The following ACOT11 variants were observed in gnomAD, a reference collection of about 807,000 sequenced individuals.
The protein encoded by ACOT11 is acyl-CoA thioesterase 11.
A neutral mutation model predicts 77.5 loss-of-function variants in ACOT11; 69 were observed. The observed-to-expected ratio is 0.89, with a 90% confidence interval of 0.73 to 1.09. The LOEUF (loss-of-function observed/expected upper bound fraction) is 1.09. ACOT11 is among the 50% of genes least tolerant of loss of function. The pLI is 0.00. For synonymous variants in ACOT11, 279 were observed against 313.0 expected (o/e 0.89, Z 1.15); for missense variants, 766 against 813.7 (o/e 0.94, Z 0.71).
intron 15 of ACOT11, chr1:54,623,643 A>C (rs2060387): frequency 0.32 from 138,558 of 438,914 alleles, 23,390 homozygotes; most frequent in Middle Eastern, 0.45. Context: ...TATCTACCAT[A>C]TCTAAAATGA....
downstream of ACOT11, chr1:54,611,600 C>T: frequency 1.2e-6 from 2 of 1,613,672 alleles, no homozygotes; most frequent in South Asian, 1.1e-5. Context: ...CAATTCCTCT[C>T]CTTACAGGCC....
intron 15 of ACOT11, among the ~76,000 whole-genome samples, chr1:54,620,531 C>T (rs1330172067): frequency 1.3e-5 from 2 of 151,302 alleles, no homozygotes; most frequent in Non-Finnish European, 2.9e-5. Context: ...CATGGTGAAA[C>T]CATGTCTCTA....
intron 3 of ACOT11, 113 bp downstream of exon 3, chr1:54,586,017 C>CT (rs1654486047): frequency 9.0e-7 from 1 of 1,112,892 alleles, no homozygotes; most frequent in African/African-American, 1.6e-5. Flanking sequence ...CCTGACTCAA[C>CT]TGACTGAAAA....
At chr1:54,604,930 G>A (rs561092779) in intron 12 of ACOT11, 146 bp from the exon 13 acceptor site, 1 of 820,114 alleles carries the variant, frequency 1.2e-6, no homozygotes, top group Non-Finnish European at 1.9e-6. Flanking sequence ...TCGTGGGGAT[G>A]CAGCTGAGAC....
chr1:54,618,620 T>C (rs1254066522), intron 15 of ACOT11, among the ~76,000 whole-genome samples: 1 of 152,048 alleles, frequency 6.6e-6, no homozygotes, highest in African/African-American at 2.4e-5. Context: ...GAGAAAGAGA[T>C]GAGAGGAAAG....
intron 7 of ACOT11, chr1:54,598,574 AGC>A (rs1643915505): frequency 6.6e-6 from 1 of 152,344 alleles, no homozygotes; most frequent in Admixed American, 6.5e-5. Flanking sequence ...AAGCTGGCCT[AGC>A]ATGGTGGCTC....
At chr1:54,630,875 G>A (rs773906522) in exon 16 of ACOT11, 20 of 748,836 alleles carry the variant, frequency 2.7e-5, no homozygotes, top group Non-Finnish European at 4.2e-5. Flanking sequence ...TACTCTTAAA[G>A]CAATCCCCGT....
chr1:54,610,592 C>A (rs1190268891), downstream of ACOT11: 1 of 1,599,202 alleles, frequency 6.3e-7, no homozygotes, highest in Non-Finnish European at 8.5e-7. Flanking sequence ...AAGTGGCTGC[C>A]ATTCACAGAA....
chr1:54,633,470 G>T (rs2101035255), intron 16 of ACOT11, among the ~76,000 whole-genome samples: 1 of 152,328 alleles, frequency 6.6e-6, no homozygotes, highest in Admixed American at 6.5e-5. Flanking sequence ...AATAGTCATA[G>T]ATTTAAAAGA....
At chr1:54,594,860 G>A (rs1240356018) in intron 6 of ACOT11, among the ~76,000 whole-genome samples, 169 bp downstream of exon 6, 1 of 152,196 alleles carries the variant, frequency 6.6e-6, no homozygotes, top group Admixed American at 6.5e-5. Context: ...CTCCAGGGAA[G>A]GGGAGTGTTT....
intron 2 of ACOT11, 90 bp from the exon 3 acceptor site, chr1:54,585,745 C>A: frequency 7.2e-7 from 1 of 1,379,974 alleles, no homozygotes; most frequent in Non-Finnish European, 1.0e-6. Flanking sequence ...GCTTGGGCGG[C>A]TGGAGAAGCC....
chr1:54,602,053 T>A (rs1351250007), intron 9 of ACOT11, among the ~76,000 whole-genome samples: 1 of 152,010 alleles, frequency 6.6e-6, no homozygotes, highest in East Asian at 1.9e-4. Context: ...GGCTGTGGAG[T>A]TGGGTGGAGC....
chr1:54,551,663 C>G (rs1250632837), intron 1 of ACOT11, among the ~76,000 whole-genome samples: 1 of 152,088 alleles, frequency 6.6e-6, no homozygotes, highest in Non-Finnish European at 1.5e-5. Flanking sequence ...CAGTGGGGCT[C>G]AGAAGCTTTT....
At chr1:54,627,311 G>C (rs1644277516) in intron 15 of ACOT11, among the ~76,000 whole-genome samples, 1 of 135,046 alleles carries the variant, frequency 7.4e-6, no homozygotes, top group Non-Finnish European at 1.7e-5. Context: ...CTGAGGCACA[G>C]AGCTTCGCCA....
chr1:54,590,814 G>A (rs1654684790), intron 3 of ACOT11, among the ~76,000 whole-genome samples: 1 of 152,192 alleles, frequency 6.6e-6, no homozygotes. Context: ...GGATGCAGTG[G>A]TGCGATCTTG....
intron 15 of ACOT11, among the ~76,000 whole-genome samples, chr1:54,624,351 T>C (rs1433896328): frequency 7.7e-6 from 1 of 129,080 alleles, no homozygotes; most frequent in Non-Finnish European, 1.6e-5. Flanking sequence ...GGTGGGCAGA[T>C]GGTCGGGACT....
At chr1:54,568,727 G>T (rs1569670905) in intron 1 of ACOT11, among the ~76,000 whole-genome samples, 2 of 151,990 alleles carry the variant, frequency 1.3e-5, no homozygotes, top group African/African-American at 4.8e-5. Context: ...CTTCATGGGA[G>T]TTTTTAGATT....
rs769868946 is a variant in ACOT11 at position 54,564,396 on chromosome 1, G to C, written c.33+16054G>C. Among the ~76,000 whole-genome samples the C allele has an allele frequency of 2.7e-5, 4 of 148,832 alleles. No homozygotes were observed. The Admixed American group carries it at 2.7e-4, about 10-fold the overall frequency. ...AGGACCAGGTTCAGGTTGCCTGCGG[G>C]GGGTGGGGAATCTCAGGTCTCTCCA... On this transcript the variant is annotated intron_variant, in intron 1 of 15. Coordinates refer to ENST00000343744, the MANE Select transcript of ACOT11 (RefSeq NM_147161.4).
chr1:54,612,416 T>C (rs1397234356), downstream of ACOT11: 7 of 1,158,948 alleles, frequency 6.0e-6, no homozygotes, highest in East Asian at 1.2e-4. Flanking sequence ...CTTCCAGCCA[T>C]GAGCTTCTGG....
Sources: gnomAD v4.1 joint callset for allele counts (sites outside exome capture counted in the v4.1 genomes callset) on GRCh38, gnomAD v4.1.1 for gene constraint, MANE v1.5 for transcripts, NCBI Gene and HGNC (gene_info 2026-07-23, HGNC 2026-07-21) for gene names.